Variants in PRKG1 observed in about 807,000 individuals in gnomAD.
The protein encoded by PRKG1 is cGMP-dependent protein kinase 1.
Under a neutral mutation model 88.1 loss-of-function variants are expected in PRKG1, and 35 were observed. The observed-to-expected ratio is 0.40, with a 90% confidence interval of 0.30 to 0.53. PRKG1 has a LOEUF of 0.53. Ranked by LOEUF, PRKG1 falls within the 20% of genes least tolerant of loss-of-function variation. The pLI, the probability that PRKG1 is intolerant of heterozygous loss-of-function variation, is 0.59. For synonymous variants in PRKG1, 303 were observed against 292.5 expected, an observed-to-expected ratio of 1.04 and a Z score of -0.37; for missense variants, 540 against 839.8, an observed-to-expected ratio of 0.64 and a Z score of 4.41.
At chr10:52,150,177 A>ATTATTATTATTATT (rs1554810273) in intron 8 of PRKG1, among the ~76,000 whole-genome samples, 2,887 of 106,700 alleles carry the variant, frequency 0.027, 42 homozygotes, top group Middle Eastern at 0.045. Context: ...TAATAATAAT[A>ATTATTATTATTATT]ATAATAATTT....
intron 2 of PRKG1, among the ~76,000 whole-genome samples, chr10:51,228,172 T>A (rs1838742565): frequency 6.6e-6 from 1 of 152,196 alleles, no homozygotes; most frequent in African/African-American, 2.4e-5. Context: ...ATGTCTCGAT[T>A]ATTCTTTCAG....
At chr10:51,811,620 T>A (rs1221655322) in intron 4 of PRKG1, among the ~76,000 whole-genome samples, 1 of 152,168 alleles carries the variant, frequency 6.6e-6, no homozygotes, top group African/African-American at 2.4e-5. Flanking sequence ...TCCCTGTGCC[T>A]GGGCAAGTCT....
Position 52,211,772 on chromosome 10 carries a change from C to T in PRKG1, c.1077-39798C>T, listed in dbSNP as rs7072159. ...GTAACGGGGGTGATGAATGTTACTA[C>T]GGAAAGTGGAAGATATGAATGCACT... On this transcript the variant is annotated intron_variant, in intron 9 of 17. Transcript: ENST00000373980. Among the ~76,000 whole-genome samples the T allele has an allele frequency of 8.4e-3, 1,252 of 149,468 alleles. 22 individuals carry two copies. Among genetic ancestry groups the T allele is most frequent in the African/African-American group, 0.029 (1,181 of 40,552 alleles).
intron 1 of PRKG1, among the ~76,000 whole-genome samples, chr10:51,149,417 G>T (rs1329388187): frequency 2.0e-5 from 3 of 152,044 alleles, no homozygotes; most frequent in Admixed American, 6.6e-5. Context: ...CTCTAAAATT[G>T]CCCATTTTTA....
At chr10:51,893,151 ACAGGAGCAC>A (rs913109935) in intron 4 of PRKG1, among the ~76,000 whole-genome samples, 1 of 152,060 alleles carries the variant, frequency 6.6e-6, no homozygotes, top group Non-Finnish European at 1.5e-5. Flanking sequence ...GGTCATTCTG[ACAGGAGCAC>A]CAGAGTAACC....
intron 9 of PRKG1, among the ~76,000 whole-genome samples, chr10:52,169,223 TA>T (rs1838589722): frequency 6.6e-6 from 1 of 152,202 alleles, no homozygotes; most frequent in Non-Finnish European, 1.5e-5. Context: ...CTATGTGTTT[TA>T]GTTTGTTCAG....
intron 3 of PRKG1, among the ~76,000 whole-genome samples, chr10:51,478,235 C>A (rs960107065): frequency 6.6e-6 from 1 of 152,064 alleles, no homozygotes; most frequent in Non-Finnish European, 1.5e-5. Context: ...AAAACAGTAA[C>A]TATTTTAAAA....
At chr10:51,671,172 T>A (rs777388271) in intron 3 of PRKG1, among the ~76,000 whole-genome samples, 1 of 152,210 alleles carries the variant, frequency 6.6e-6, no homozygotes, top group Non-Finnish European at 1.5e-5. Context: ...AGTAAGAAAG[T>A]CAGGAACAAA....
chr10:51,159,975 T>C (rs1252308083), intron 2 of PRKG1, among the ~76,000 whole-genome samples: 1 of 152,160 alleles, frequency 6.6e-6, no homozygotes, highest in Non-Finnish European at 1.5e-5. Flanking sequence ...GGCAAGAACC[T>C]TATCTCCTGA....
intron 5 of PRKG1, among the ~76,000 whole-genome samples, chr10:51,987,454 A>G (rs890658586): frequency 1.0e-4 from 14 of 138,522 alleles, no homozygotes; most frequent in African/African-American, 3.5e-4. Flanking sequence ...TCTTCTACTC[A>G]TTACTTTTTT....
At chr10:51,740,938 A>G (rs1425151039) in intron 3 of PRKG1, among the ~76,000 whole-genome samples, 4 of 134,954 alleles carry the variant, frequency 3.0e-5, no homozygotes, top group Non-Finnish European at 1.8e-5. Context: ...GAAAAAAAAA[A>G]AAGCATCAAG....
intron 3 of PRKG1, among the ~76,000 whole-genome samples, chr10:51,701,751 G>T (rs1841473347): frequency 6.6e-6 from 1 of 152,198 alleles, no homozygotes; most frequent in East Asian, 1.9e-4. Flanking sequence ...TAATCATGAA[G>T]ATGGTAATGG....
At chr10:51,523,652 T>C (rs1441650723) in intron 3 of PRKG1, among the ~76,000 whole-genome samples, 1 of 152,164 alleles carries the variant, frequency 6.6e-6, no homozygotes, top group Non-Finnish European at 1.5e-5. Flanking sequence ...AGGCTCTGTC[T>C]CTCTTAAGAT....
At chr10:51,592,108 G>C (rs1438710286) in intron 3 of PRKG1, among the ~76,000 whole-genome samples, 1 of 152,168 alleles carries the variant, frequency 6.6e-6, no homozygotes, top group Non-Finnish European at 1.5e-5. Context: ...TCTGGGGAAA[G>C]AACTCAAACT....
intron 1 of PRKG1, among the ~76,000 whole-genome samples, chr10:50,999,243 C>G (rs888873561): frequency 1.3e-5 from 2 of 152,078 alleles, no homozygotes; most frequent in Non-Finnish European, 2.9e-5. Flanking sequence ...ATTTGTTATT[C>G]AAGGATTTGA....
chr10:51,332,907 A>T (rs1418727857), intron 2 of PRKG1, among the ~76,000 whole-genome samples: 2 of 152,204 alleles, frequency 1.3e-5, no homozygotes, highest in Non-Finnish European at 2.9e-5. Flanking sequence ...GATCAGTAAT[A>T]GTCAACATTT....
intron 3 of PRKG1, among the ~76,000 whole-genome samples, chr10:51,473,039 G>A (rs1002004713): frequency 1.3e-5 from 2 of 151,930 alleles, no homozygotes; most frequent in Admixed American, 1.3e-4. Context: ...CGCAGACAAT[G>A]AAGCAAACAT....
chr10:51,645,703 A>G (rs1186136614), intron 3 of PRKG1, among the ~76,000 whole-genome samples: 1 of 152,194 alleles, frequency 6.6e-6, no homozygotes, highest in Non-Finnish European at 1.5e-5. Flanking sequence ...ACAAGTACTC[A>G]TTATTTTCCC....
intron 1 of PRKG1, among the ~76,000 whole-genome samples, chr10:51,114,637 C>G (rs888923292): frequency 1.3e-5 from 2 of 152,060 alleles, no homozygotes; most frequent in African/African-American, 4.8e-5. Context: ...ATGTGTGGAA[C>G]TGGTATTCTA....
Sources: allele counts gnomAD v4.1 joint callset (sites outside exome capture counted in the v4.1 genomes callset), GRCh38; gene constraint gnomAD v4.1.1; transcripts MANE v1.5; gene names NCBI Gene and HGNC (gene_info 2026-07-23, HGNC 2026-07-21).